Variants in EDIL3 observed in about 807,000 individuals in gnomAD.
EDIL3 encodes the protein EGF like and discoidin domains 3, also known as EGF-like repeat and discoidin I-like domain-containing protein 3.
A neutral mutation model predicts 67.4 loss-of-function variants in EDIL3; 37 were observed. That is an observed-to-expected ratio of 0.55 (90% CI 0.42 to 0.72). The LOEUF is 0.72. EDIL3 is among the 30% of genes least tolerant of loss of function. The probability of loss-of-function intolerance (pLI) is 0.00; values close to 1 mark genes in which losing one functional copy is unlikely to be tolerated. For synonymous variants in EDIL3, 195 were observed against 196.3 expected (o/e 0.99, Z 0.05); for missense variants, 527 against 586.3 (o/e 0.90, Z 1.04).
chr5:84,277,343 C>T (rs1745602062), intron 1 of EDIL3, among the ~76,000 whole-genome samples: 1 of 152,110 alleles, frequency 6.6e-6, no homozygotes, highest in Admixed American at 6.6e-5. Flanking sequence ...CTCACAGACA[C>T]AAAATCTGCG....
intron 4 of EDIL3, among the ~76,000 whole-genome samples, chr5:84,148,492 C>G (rs1748326846): frequency 6.6e-6 from 1 of 152,150 alleles, no homozygotes; most frequent in Non-Finnish European, 1.5e-5. Flanking sequence ...CACACCAACT[C>G]TTTATCAATT....
chr5:84,314,505 T>A (rs1439576362), intron 1 of EDIL3, among the ~76,000 whole-genome samples: 2 of 152,226 alleles, frequency 1.3e-5, no homozygotes, highest in Non-Finnish European at 2.9e-5. Context: ...AATCTTTTAT[T>A]AATATAGATG....
intron 9 of EDIL3, among the ~76,000 whole-genome samples, chr5:83,993,322 G>C (rs1410277122): frequency 6.6e-6 from 1 of 152,084 alleles, no homozygotes; most frequent in East Asian, 1.9e-4. Flanking sequence ...ACAGACAAAA[G>C]CCACTGTGCC....
At chr5:84,231,773 G>A (rs1230282640) in intron 2 of EDIL3, among the ~76,000 whole-genome samples, 1 of 151,898 alleles carries the variant, frequency 6.6e-6, no homozygotes, top group Non-Finnish European at 1.5e-5. Flanking sequence ...CATGTTCAAA[G>A]AGGAAAAAAA....
At chr5:84,056,724 T>G (rs534308532) in intron 9 of EDIL3, among the ~76,000 whole-genome samples, 2 of 152,134 alleles carry the variant, frequency 1.3e-5, no homozygotes, top group African/African-American at 4.8e-5. Context: ...AGATTGATAA[T>G]GAAGGAAGGG....
chr5:84,142,186 A>G (rs1047426756), intron 4 of EDIL3, among the ~76,000 whole-genome samples: 1 of 151,824 alleles, frequency 6.6e-6, no homozygotes, highest in Non-Finnish European at 1.5e-5. Context: ...AATGGAAATT[A>G]TATTTGTTAA....
At chr5:83,974,585 T>C (rs1255803806) in intron 9 of EDIL3, among the ~76,000 whole-genome samples, 1 of 151,982 alleles carries the variant, frequency 6.6e-6, no homozygotes, top group Non-Finnish European at 1.5e-5. Context: ...CTGTGAGCAT[T>C]ATATTTGTAT....
intron 1 of EDIL3, among the ~76,000 whole-genome samples, chr5:84,344,930 CAGTT>C (rs1293649659): frequency 1.3e-5 from 2 of 152,222 alleles, no homozygotes; most frequent in South Asian, 4.1e-4. Flanking sequence ...TTCAACCAGT[CAGTT>C]AGATCACTTA....
At chr5:84,377,421 A>G (rs1204860239) in intron 1 of EDIL3, among the ~76,000 whole-genome samples, 1 of 152,106 alleles carries the variant, frequency 6.6e-6, no homozygotes, top group African/African-American at 2.4e-5. Flanking sequence ...ATTTATTTCA[A>G]ATAAAAAATA....
At chr5:84,322,661 A>G (rs76408147) in intron 1 of EDIL3, among the ~76,000 whole-genome samples, 1 of 152,128 alleles carries the variant, frequency 6.6e-6, no homozygotes, top group Non-Finnish European at 1.5e-5. Flanking sequence ...TCAAGAAATA[A>G]TGGCTGAATA....
intron 1 of EDIL3, among the ~76,000 whole-genome samples, chr5:84,309,942 G>C (rs1004356697): frequency 1.6e-4 from 25 of 152,172 alleles, no homozygotes; most frequent in Non-Finnish European, 2.1e-4. Context: ...GGTTGAACTA[G>C]TTTACAGTCC....
intron 1 of EDIL3, among the ~76,000 whole-genome samples, chr5:84,297,890 GAT>G (rs1316657060): frequency 6.6e-6 from 1 of 152,094 alleles, no homozygotes; most frequent in Non-Finnish European, 1.5e-5. Context: ...ACGAGCCCTG[GAT>G]TCTATCCAAG....
intron 9 of EDIL3, among the ~76,000 whole-genome samples, chr5:84,033,920 A>G (rs1745972862): frequency 6.6e-6 from 1 of 152,038 alleles, no homozygotes. Context: ...AAAGATAGGA[A>G]ACTCTTCAGG....
At chr5:84,211,078 A>G (rs1744108196) in intron 3 of EDIL3, among the ~76,000 whole-genome samples, 1 of 152,226 alleles carries the variant, frequency 6.6e-6, no homozygotes, top group Non-Finnish European at 1.5e-5. Flanking sequence ...GTCTCATTAC[A>G]GATGTACTTA....
chr5:84,284,026 C>T (rs923430971), intron 1 of EDIL3, among the ~76,000 whole-genome samples: 2 of 152,076 alleles, frequency 1.3e-5, no homozygotes, highest in African/African-American at 4.8e-5. Flanking sequence ...CTATTCACTT[C>T]CTTCCACCTC....
chr5:84,128,439 T>A (rs956549343), intron 5 of EDIL3, among the ~76,000 whole-genome samples: 1 of 152,060 alleles, frequency 6.6e-6, no homozygotes, highest in Non-Finnish European at 1.5e-5. Flanking sequence ...TTCACCTAAG[T>A]ACCCAAGAAC....
chr5:84,295,564 A>C (rs902590560), intron 1 of EDIL3, among the ~76,000 whole-genome samples: 15 of 152,120 alleles, frequency 9.9e-5, no homozygotes, highest in Admixed American at 5.2e-4. Context: ...TTTCCTAAAT[A>C]TAATGACTGA....
intron 9 of EDIL3, among the ~76,000 whole-genome samples, chr5:83,985,435 T>A (rs1745042715): frequency 6.6e-6 from 1 of 152,118 alleles, no homozygotes; most frequent in Admixed American, 6.6e-5. Context: ...CACTTAATAT[T>A]TTTTGGTGAC....
At chr5:83,980,089 T>C (rs1744943305) in intron 9 of EDIL3, among the ~76,000 whole-genome samples, 1 of 152,134 alleles carries the variant, frequency 6.6e-6, no homozygotes, top group Non-Finnish European at 1.5e-5. Flanking sequence ...CTCTGGAGAC[T>C]CTGAGCAACT....
Sources: gnomAD v4.1 joint callset for allele counts (sites outside exome capture counted in the v4.1 genomes callset) on GRCh38, gnomAD v4.1.1 for gene constraint, MANE v1.5 for transcripts, NCBI Gene and HGNC (gene_info 2026-07-23, HGNC 2026-07-21) for gene names.